RTN1: variants seen among roughly 807,000 people sequenced by gnomAD.
The protein encoded by RTN1 is reticulon-1.
In RTN1, 25 loss-of-function variants were observed where a neutral mutation model predicts 65.5. The ratio of observed to expected loss-of-function variants is 0.38; its 90% CI spans 0.28 to 0.53. The LOEUF (loss-of-function observed/expected upper bound fraction) is 0.53. Ranked by LOEUF, RTN1 falls within the 20% of genes least tolerant of loss-of-function variation. RTN1 has a pLI of 0.79. For missense variants in RTN1, 983 were observed against 1,025.4 expected (o/e 0.96, Z 0.57); for synonymous variants, 471 against 447.6 (o/e 1.05, Z -0.66).
intron 3 of RTN1, among the ~76,000 whole-genome samples, chr14:59,676,138 C>G (rs1260097170): frequency 1.3e-5 from 2 of 152,046 alleles, no homozygotes; most frequent in African/African-American, 4.8e-5. Context: ...CCAGAAACAT[C>G]CATTAAATAA....
intron 3 of RTN1, among the ~76,000 whole-genome samples, chr14:59,690,879 T>A (rs1026681333): frequency 6.6e-6 from 1 of 151,722 alleles, no homozygotes; most frequent in African/African-American, 2.4e-5. Flanking sequence ...AGAAAAAAAA[T>A]TTTTGAAATA....
At chr14:59,789,475 G>A (rs1465854470) in intron 1 of RTN1, among the ~76,000 whole-genome samples, 3 of 151,916 alleles carry the variant, frequency 2.0e-5, no homozygotes, top group Non-Finnish European at 4.4e-5. Flanking sequence ...TAAAATAATC[G>A]ACAAAGGAAA....
Position 59,672,920 on chromosome 14 carries a change from G to A in RTN1, c.1765+53999C>T, listed in dbSNP as rs529742744. ...CTCCCAAAGTGCTGGGATTACAGGCGTGAGCCACCGCGCCCGGCCAAGATA... is the reference window on the plus strand; with the variant it reads ...CTCCCAAAGTGCTGGGATTACAGGCATGAGCCACCGCGCCCGGCCAAGATA... On this transcript the variant is annotated intron_variant, in intron 3 of 8. Transcript: ENST00000267484. Among the ~76,000 whole-genome samples the A allele has an allele frequency of 1.4e-4, 21 of 152,194 alleles. No individual in the cohort carries two copies. In the South Asian group the frequency reaches 1.5e-3, roughly 11 times the overall value.
rs576698282 is a variant in RTN1 at position 59,651,398 on chromosome 14, A to G, written c.1766-43906T>C. ...TACAAAAATCAACTCAAGGTGGATT[A>G]AAGACTTAAATGTAAAACCCAAAAC... On this transcript the variant is annotated intron_variant, in intron 3 of 8. Coordinates refer to ENST00000267484, the MANE Select transcript of RTN1 (RefSeq NM_021136.3). 1.3e-4 allele frequency among the ~76,000 whole-genome samples: 20 copies of G among 152,270 alleles called. No individual in the cohort carries two copies. The Middle Eastern group carries it at 0.01, about 78-fold the overall frequency.
intron 3 of RTN1, among the ~76,000 whole-genome samples, chr14:59,632,749 T>C (rs1052192015): frequency 1.3e-5 from 2 of 152,040 alleles, no homozygotes; most frequent in Non-Finnish European, 2.9e-5. Context: ...CTCTTTAAAG[T>C]GGAGGATACA....
intron 3 of RTN1, among the ~76,000 whole-genome samples, chr14:59,612,064 A>G (rs1228757872): frequency 6.6e-6 from 1 of 152,208 alleles, no homozygotes; most frequent in African/African-American, 2.4e-5. Flanking sequence ...TAAAGACAAC[A>G]GGGACCAAAG....
intron 1 of RTN1, among the ~76,000 whole-genome samples, chr14:59,819,284 A>T (rs1465126030): frequency 6.6e-6 from 1 of 151,900 alleles, no homozygotes; most frequent in Admixed American, 6.6e-5. Context: ...AGGAGGTTGC[A>T]GTTGGGGCTC....
At chr14:59,800,981 C>T (rs2139600833) in intron 1 of RTN1, among the ~76,000 whole-genome samples, 1 of 151,890 alleles carries the variant, frequency 6.6e-6, no homozygotes, top group South Asian at 2.1e-4. Flanking sequence ...CATCAGCTTA[C>T]TGGACACAAC....
At position 59,749,978 on chromosome 14, in the gene RTN1, T is replaced by TTATATATTATA. The variant is rs1566712845; in HGVS notation, c.242-3508_242-3498dup. On this transcript the variant is annotated intron_variant, in intron 1 of 8. Transcript: ENST00000267484. ...GTTATATATATATTATATACATATA[T>TTATATATTATA]TATATATTATATACATATATATTAT... 7.6e-4 allele frequency among the ~76,000 whole-genome samples: 72 copies of TTATATATTATA among 95,288 alleles called. 1 individual carries two copies. The highest frequency in any genetic ancestry group is 1.2e-3 in the Non-Finnish European group (63 of 54,262). 62.5% of individuals were successfully genotyped at this position (95,288 alleles called of 152,430 possible).
At chr14:59,819,686 G>A (rs1432035668) in intron 1 of RTN1, among the ~76,000 whole-genome samples, 2 of 152,110 alleles carry the variant, frequency 1.3e-5, no homozygotes, top group Non-Finnish European at 2.9e-5. Flanking sequence ...GCTCCGGCAT[G>A]GCGGGCTGCA....
At chr14:59,712,190 A>T (rs1472469459) in intron 3 of RTN1, among the ~76,000 whole-genome samples, 1 of 152,212 alleles carries the variant, frequency 6.6e-6, no homozygotes, top group Non-Finnish European at 1.5e-5. Context: ...ACCTGAGGCT[A>T]AGGGAGGATT....
At chr14:59,819,404 CACCACCACCA>C (rs1566737370) in intron 1 of RTN1, among the ~76,000 whole-genome samples, 8 of 23,006 alleles carry the variant, frequency 3.5e-4, no homozygotes, top group African/African-American at 3.0e-3. Context: ...GGTGCATCCA[CACCACCACCA>C]CCCCCCCCCC....
chr14:59,870,592 C>G lies in RTN1; in HGVS notation c.39G>C (p.Pro13=). 6.9e-7 allele frequency: 1 copy of G among 1,444,722 alleles called. No individual in the cohort carries two copies. The highest frequency in any genetic ancestry group is 9.1e-7 in the Non-Finnish European group (1 of 1,103,490). 89.5% of individuals were successfully genotyped at this position (1,444,722 alleles called of 1,614,324 possible). Residue 13 remains proline, a synonymous_variant, in exon 1 of 9, where the codon CCG becomes CCC. Transcript: ENST00000267484. The surrounding 1 kb of genome is among the most constrained non-coding windows in gnomAD (Gnocchi z 5.1). ...APGDPQDELL[P]LAGPGSQWLR... ...GCCACTGGGACCCGGGGCCGGCCAG[C>G]GGCAGCAGCTCGTCCTGCGGATCCC... is the stretch of plus-strand genomic sequence containing the variant.
At chr14:59,633,715 T>C (rs925622497) in intron 3 of RTN1, among the ~76,000 whole-genome samples, 1 of 152,266 alleles carries the variant, frequency 6.6e-6, no homozygotes, top group African/African-American at 2.4e-5. Context: ...AGAACTTGGT[T>C]AAGGTGCTTG....
intron 1 of RTN1, among the ~76,000 whole-genome samples, chr14:59,865,325 G>T (rs1402403845): frequency 2.6e-5 from 4 of 152,158 alleles, no homozygotes; most frequent in Non-Finnish European, 5.9e-5. Flanking sequence ...TACTGGGAAT[G>T]AATTTAAAGC....
At chr14:59,821,321 T>G (rs947636460) in intron 1 of RTN1, among the ~76,000 whole-genome samples, 1 of 152,214 alleles carries the variant, frequency 6.6e-6, no homozygotes, top group Non-Finnish European at 1.5e-5. Flanking sequence ...TTGGATGTTG[T>G]TGGTCTACAG....
intron 6 of RTN1, among the ~76,000 whole-genome samples, 168 bp from the exon 7 acceptor site, chr14:59,603,426 T>C (rs1881642757): frequency 6.7e-6 from 1 of 149,428 alleles, no homozygotes; most frequent in Non-Finnish European, 1.5e-5. Flanking sequence ...GCATTCTAGA[T>C]AAAAGATGAC....
chr14:59,750,032 T>TA (rs534819820), intron 1 of RTN1, among the ~76,000 whole-genome samples: 6 of 73,626 alleles, frequency 8.1e-5, no homozygotes, highest in African/African-American at 4.4e-4. Context: ...TTATATTATA[T>TA]ACATATATTA....
At chr14:59,621,767 T>C (rs766167610) in intron 3 of RTN1, among the ~76,000 whole-genome samples, 2 of 152,226 alleles carry the variant, frequency 1.3e-5, no homozygotes, top group Non-Finnish European at 2.9e-5. Flanking sequence ...AAAAATACTT[T>C]AAATGCATTC....
Sources: gnomAD v4.1 joint callset for allele counts (sites outside exome capture counted in the v4.1 genomes callset) on GRCh38, gnomAD v4.1.1 for gene constraint, Gnocchi (gnomAD v3.1) non-coding constraint, MANE v1.5 for transcripts, NCBI Gene and HGNC (gene_info 2026-07-23, HGNC 2026-07-21) for gene names.